Variants in ACAP3 observed in about 807,000 individuals in gnomAD.
ACAP3 encodes the protein arf-GAP with coiled-coil, ANK repeat and PH domain-containing protein 3.
A neutral mutation model predicts 104.1 loss-of-function variants in ACAP3; 56 were observed. The ratio of observed to expected loss-of-function variants is 0.54; its 90% CI spans 0.43 to 0.67. The LOEUF is 0.67. ACAP3 is among the 30% of genes least tolerant of loss of function. The pLI is 0.00. For missense variants in ACAP3, 1,208 were observed against 1,174.9 expected, an observed-to-expected ratio of 1.03 and a Z score of -0.41; for synonymous variants, 628 against 496.2, an observed-to-expected ratio of 1.27 and a Z score of -3.53.
chr1:1,306,729 C>T (rs1027980895), intron 1 of ACAP3, among the ~76,000 whole-genome samples: 1 of 152,240 alleles, frequency 6.6e-6, no homozygotes, highest in Non-Finnish European at 1.5e-5. Flanking sequence ...AACATGCCTG[C>T]ACACACTGGT....
intron 10 of ACAP3, 25 bp from the exon 11 acceptor site, chr1:1,298,704 C>G: frequency 6.4e-7 from 1 of 1,566,866 alleles, no homozygotes; most frequent in Non-Finnish European, 8.8e-7. Context: ...CCCGCCCCCT[C>G]AGTGCCCACC....
At chr1:1,298,960 C>T (rs1641321565) in intron 10 of ACAP3, 1 of 551,710 alleles carries the variant, frequency 1.8e-6, no homozygotes, top group East Asian at 3.2e-5. Flanking sequence ...AGGCTGCGAT[C>T]AGGAAGGAAG....
chr1:1,302,989 T>C lies in ACAP3; in HGVS notation c.226-14A>G. On this transcript the variant is annotated splice_polypyrimidine_tract_variant and intron_variant, in intron 3 of 23. Transcript: ENST00000354700. ...CTGCAGACATTCCTGGAGGAGCAGA[T>C]GGGAACCCGTGCTGAGATGGCAAAT... The C allele has an allele frequency of 1.2e-6, 2 of 1,607,486 alleles. No homozygotes were observed. Among genetic ancestry groups the C allele is most frequent in the Non-Finnish European group, 1.7e-6 (2 of 1,177,112 alleles).
In ACAP3 at chr1:1,294,581, C is replaced by T. The variant is rs371863796; in HGVS notation, c.1960G>A (p.Glu654Lys). 1.3e-5 allele frequency: 20 copies of T among 1,513,536 alleles called. No homozygotes were observed. In the African/African-American group the frequency reaches 2.7e-4, roughly 20 times the overall value. 93.8% of individuals were successfully genotyped at this position (1,513,536 alleles called of 1,614,324 possible). Residue 654 changes from glutamate (E) to lysine (K), a missense_variant, in exon 21 of 24, where the codon GAG becomes AAG. By Grantham distance (56) the Glu-to-Lys change is moderately conservative. Transcript: ENST00000354700. Reference protein sequence around the residue: ...ESSGEADGDTEAEAWGLADVR... With the variant: ...ESSGEADGDTKAEAWGLADVR... ...TCCGCCAGGCCCCAGGCCTCGGCCT[C>T]AGTGTCCCCGTCTGCCTCACCGCTG...
In ACAP3 at chr1:1,303,374, G is replaced by A; in HGVS notation, c.106-93C>T. The A allele has an allele frequency of 6.7e-7, 1 of 1,498,356 alleles. No homozygotes were observed. 92.8% of individuals were successfully genotyped at this position (1,498,356 alleles called of 1,614,324 possible). A position where few individuals can be genotyped will look rare whatever the true frequency, so the allele number is the denominator to read the frequency against. The stretch of plus-strand genomic sequence containing the variant: ...ACTCAGAGGCAGGAAGAGCTCCCAG[G>A]GTAGGTTCCACTCAGGGCGTTGGCA... On this transcript the variant is annotated intron_variant, in intron 2 of 23. Coordinates refer to ENST00000354700, the MANE Select transcript of ACAP3 (RefSeq NM_030649.3). The surrounding 1 kb of genome is among the most constrained non-coding windows in gnomAD (Gnocchi z 4.0).
intron 5 of ACAP3, among the ~76,000 whole-genome samples, chr1:1,301,232 G>A (rs545353873): frequency 6.3e-4 from 95 of 150,308 alleles, no homozygotes; most frequent in Non-Finnish European, 1.2e-3. Flanking sequence ...CACCATATAA[G>A]GCTTATTTTT....
chr1:1,303,000 G>A, intron 3 of ACAP3, 25 bp from the exon 4 acceptor site: 1 of 1,602,544 alleles, frequency 6.2e-7, no homozygotes. Context: ...GGGAACCCGT[G>A]CTGAGATGGC....
chr1:1,300,371 C>T lies in ACAP3; in HGVS notation c.522+138G>A, dbSNP rs187199395. On this transcript the variant is annotated intron_variant, in intron 6 of 23. Transcript: ENST00000354700. ...CCTCCCATGGTCCTGGACTGCTTCCCCATGTCTGGAGTTCCCACCCATGGG... is the reference window on the plus strand; with the variant it reads ...CCTCCCATGGTCCTGGACTGCTTCCTCATGTCTGGAGTTCCCACCCATGGG... 4 of 1,238,980 alleles carry T rather than the reference C, an allele frequency of 3.2e-6. No homozygotes were observed. The African/African-American group carries it at 6.1e-5, about 19-fold the overall frequency. The allele number at this position is 1,238,980 out of a possible 1,614,324, so 76.7% of individuals were successfully genotyped here.
At chr1:1,302,663 G>A (rs188901964) in intron 4 of ACAP3, among the ~76,000 whole-genome samples, 9 of 152,094 alleles carry the variant, frequency 5.9e-5, no homozygotes, top group African/African-American at 1.9e-4. Context: ...AGCCTGGGAC[G>A]AGAGCCCTGC....
intron 18 of ACAP3, 69 bp from the exon 19 acceptor site, chr1:1,295,623 CG>C: frequency 6.4e-7 from 1 of 1,566,786 alleles, no homozygotes; most frequent in Non-Finnish European, 8.7e-7. Flanking sequence ...CAGGTCACGC[CG>C]GGAGTCTGCG....
rs568939570 is a variant in ACAP3 at position 1,299,641 on chromosome 1, G to A, written c.738+190C>T. ...CGCCTCAAAAGGAGATCCCAGCAGC[G>A]GCCCCACCCACACGTGCCCCTCCAC... On this transcript the variant is annotated intron_variant, in intron 9 of 23. Coordinates refer to ENST00000354700, the MANE Select transcript of ACAP3 (RefSeq NM_030649.3). The A allele has an allele frequency of 1.2e-4, 90 of 750,002 alleles. No individual in the cohort carries two copies. The East Asian group carries it at 2.1e-3, about 18-fold the overall frequency. The allele number at this position is 750,002 out of a possible 1,614,324, so 46.5% of individuals were successfully genotyped here. A position where few individuals can be genotyped will look rare whatever the true frequency, so the allele number is the denominator to read the frequency against.
chr1:1,294,019 C>G, intron 22 of ACAP3, 71 bp downstream of exon 22: 1 of 1,472,926 alleles, frequency 6.8e-7, no homozygotes, highest in Non-Finnish European at 9.0e-7. Flanking sequence ...TAGGGCATGG[C>G]GGACAGGGCG....
intron 14 of ACAP3, 92 bp from the exon 15 acceptor site, chr1:1,296,725 C>T (rs1641177870): frequency 5.9e-6 from 8 of 1,346,954 alleles, no homozygotes; most frequent in Admixed American, 4.1e-5. Flanking sequence ...AGAGCCAATG[C>T]AGGCCAGGGC....
In ACAP3 at chr1:1,307,201, G is replaced by A. The variant is rs920453390; in HGVS notation, c.47+568C>T. The A allele has an allele frequency of 1.6e-5, 21 of 1,287,000 alleles. No individual in the cohort carries two copies. The African/African-American group carries it at 3.0e-4, about 19-fold the overall frequency. 79.7% of individuals were successfully genotyped at this position (1,287,000 alleles called of 1,614,324 possible). A position where few individuals can be genotyped will look rare whatever the true frequency, so the allele number is the denominator to read the frequency against. ...GCAGGTGTACACGCCTGCACGCCACGAATGATGGAAAACATGCAGACTCGG... is the reference window on the plus strand; with the variant it reads ...GCAGGTGTACACGCCTGCACGCCACAAATGATGGAAAACATGCAGACTCGG... On this transcript the variant is annotated intron_variant, in intron 1 of 23. Coordinates refer to ENST00000354700, the MANE Select transcript of ACAP3 (RefSeq NM_030649.3).
chr1:1,300,353 T>C lies in ACAP3; in HGVS notation c.523-151A>G, dbSNP rs936395515. 17 of 1,262,146 alleles carry C rather than the reference T, an allele frequency of 1.3e-5. No homozygotes were observed. The African/African-American group carries it at 1.8e-4, about 14-fold the overall frequency. The allele number at this position is 1,262,146 out of a possible 1,614,324, so 78.2% of individuals were successfully genotyped here. On this transcript the variant is annotated intron_variant, in intron 6 of 23. Coordinates refer to ENST00000354700, the MANE Select transcript of ACAP3 (RefSeq NM_030649.3). ...GCTCTGGGCCAGCCTCATCCTCCCATGGTCCTGGACTGCTTCCCCATGTCT... is the reference window on the plus strand; with the variant it reads ...GCTCTGGGCCAGCCTCATCCTCCCACGGTCCTGGACTGCTTCCCCATGTCT...
At chr1:1,306,989 G>A (rs1326457885) in intron 1 of ACAP3, 4 of 433,990 alleles carry the variant, frequency 9.2e-6, no homozygotes, top group African/African-American at 2.0e-5. Flanking sequence ...GTGTCCGGAG[G>A]GAGGCACGCA....
At chr1:1,296,796 C>T (rs993087772) in intron 14 of ACAP3, among the ~76,000 whole-genome samples, 163 bp from the exon 15 acceptor site, 2 of 131,180 alleles carry the variant, frequency 1.5e-5, no homozygotes, top group East Asian at 2.1e-4. Flanking sequence ...GGCAGATGGC[C>T]CCCCCCTCGA....
chr1:1,302,334 C>T (rs1641479954), intron 4 of ACAP3, among the ~76,000 whole-genome samples: 1 of 152,158 alleles, frequency 6.6e-6, no homozygotes, highest in African/African-American at 2.4e-5. Flanking sequence ...TGCCTCCTGG[C>T]CCTGGGCGGC....
chr1:1,299,491 CT>C lies in ACAP3; in HGVS notation c.739-136del, dbSNP rs1430862012. 4.0e-5 allele frequency: 46 copies of C among 1,155,286 alleles called. No homozygotes were observed. The South Asian group carries it at 7.4e-4, about 19-fold the overall frequency. 71.6% of individuals were successfully genotyped at this position (1,155,286 alleles called of 1,614,324 possible). A position where few individuals can be genotyped will look rare whatever the true frequency, so the allele number is the denominator to read the frequency against. On this transcript the variant is annotated intron_variant, in intron 9 of 23. Coordinates refer to ENST00000354700, the MANE Select transcript of ACAP3 (RefSeq NM_030649.3). ...TCCCCAACTCCTGGGGGGCTCTCCCCTATCCCAAAATAGCCACTCCTGCCTG... is the reference window on the plus strand; with the variant it reads ...TCCCCAACTCCTGGGGGGCTCTCCCCATCCCAAAATAGCCACTCCTGCCTG...
Sources: gnomAD v4.1 joint callset for allele counts (sites outside exome capture counted in the v4.1 genomes callset) on GRCh38, gnomAD v4.1.1 for gene constraint, Gnocchi (gnomAD v3.1) non-coding constraint, MANE v1.5 for transcripts, NCBI Gene and HGNC (gene_info 2026-07-23, HGNC 2026-07-21) for gene names.